ATAD2B: variants seen among roughly 807,000 people sequenced by gnomAD.
ATAD2B encodes the protein ATPase family AAA domain-containing protein 2B.
A neutral mutation model predicts 167.6 loss-of-function variants in ATAD2B; 40 were observed. That is an observed-to-expected ratio of 0.24 (90% CI 0.19 to 0.31). The LOEUF is 0.31. Among genes scored for constraint, ATAD2B ranks in the 10% least tolerant of loss-of-function variants. The probability of loss-of-function intolerance (pLI) is 1.00; values close to 1 mark genes in which losing one functional copy is unlikely to be tolerated. For synonymous variants in ATAD2B, 579 were observed against 596.5 expected (o/e 0.97, Z 0.43); for missense variants, 1,242 against 1,757.2 (o/e 0.71, Z 5.24).
intron 3 of ATAD2B, 138 bp from the exon 4 acceptor site, chr2:23,888,123 C>A: frequency 1.3e-6 from 1 of 755,568 alleles, no homozygotes; most frequent in South Asian, 2.7e-5. Context: ...AGTCAATAAT[C>A]TAAAATTTCT....
chr2:23,766,594 ATGT>A (rs896125241), intron 22 of ATAD2B, among the ~76,000 whole-genome samples: 1 of 152,176 alleles, frequency 6.6e-6, no homozygotes, highest in Admixed American at 6.5e-5. Flanking sequence ...CACTCAACAA[ATGT>A]TGTCGACTGC....
intron 1 of ATAD2B, among the ~76,000 whole-genome samples, chr2:23,906,656 C>G (rs1701542181): frequency 6.6e-6 from 1 of 151,994 alleles, no homozygotes; most frequent in African/African-American, 2.4e-5. Context: ...CAGGCAGAGA[C>G]ACAACCAAAA....
In ATAD2B at chr2:23,872,477, CCT is replaced by C. The variant is rs1252420822; in HGVS notation, c.978-2718_978-2717del. On this transcript the variant is annotated intron_variant, in intron 8 of 27. Coordinates refer to ENST00000238789, the MANE Select transcript of ATAD2B (RefSeq NM_017552.4). Reference sequence around the variant, plus strand: ...TGCACTGCAATCAGCACCCATTTCCCCTCTTTTACCAGGTGAGCTATTTCTTC... The same window carrying C: ...TGCACTGCAATCAGCACCCATTTCCCCTTTTACCAGGTGAGCTATTTCTTC... 5 of 746,330 alleles carry C rather than the reference CCT, an allele frequency of 6.7e-6. No homozygotes were observed. The African/African-American group carries it at 8.6e-5, about 13-fold the overall frequency. 46.2% of individuals were successfully genotyped at this position (746,330 alleles called of 1,614,324 possible). A position where few individuals can be genotyped will look rare whatever the true frequency, so the allele number is the denominator to read the frequency against.
intron 7 of ATAD2B, among the ~76,000 whole-genome samples, chr2:23,878,179 G>GC (rs1697318246): frequency 6.6e-6 from 1 of 151,930 alleles, no homozygotes; most frequent in African/African-American, 2.4e-5. Flanking sequence ...TGGCCAACAT[G>GC]CTGAAACCCC....
At chr2:23,697,353 G>C in the ATAD2B span, 29 of 152,252 alleles carry the variant, frequency 1.9e-4, no homozygotes, top group African/African-American at 6.5e-4. Flanking sequence ...CAGAACGGAG[G>C]CTTAGTCCTG....
chr2:23,808,124 T>TATATATAAGTAATTATATATATAATTA lies in ATAD2B; in HGVS notation c.2454+2191_2454+2192insTAATTATATATATAATTACTTATATAT, dbSNP rs1558570147. On this transcript the variant is annotated intron_variant, in intron 18 of 27. Transcript: ENST00000238789. ...ATATAAGTAATTATATATATAATTA[T>TATATATAAGTAATTATATATATAATTA]TATATATAAGTGATTACTTATATTA... 8.2e-3 allele frequency among the ~76,000 whole-genome samples: 135 copies of TATATATAAGTAATTATATATATAATTA among 16,556 alleles called. 4 individuals are homozygous for TATATATAAGTAATTATATATATAATTA. The East Asian group carries it at 0.084, about 10-fold the overall frequency. The allele number at this position is 16,556 out of a possible 152,430, so 10.9% of individuals were successfully genotyped here.
At chr2:23,880,782 G>C in intron 6 of ATAD2B, 27 bp from the exon 7 acceptor site, 1 of 1,316,944 alleles carries the variant, frequency 7.6e-7, no homozygotes, top group Non-Finnish European at 1.1e-6. Context: ...AAAAAGAAAA[G>C]AAAAAGGCAT....
intron 19 of ATAD2B, among the ~76,000 whole-genome samples, chr2:23,793,399 A>C (rs72780199): frequency 0.12 from 18,238 of 152,140 alleles, 1,168 homozygotes; most frequent in Middle Eastern, 0.22. Context: ...AATATCTCTA[A>C]TTTATTTGCT....
chr2:23,848,129 A>G (rs1344524771), intron 13 of ATAD2B, among the ~76,000 whole-genome samples: 1 of 152,200 alleles, frequency 6.6e-6, no homozygotes, highest in Non-Finnish European at 1.5e-5. Context: ...AAGGATAGAG[A>G]GCACCAGAAA....
intron 19 of ATAD2B, among the ~76,000 whole-genome samples, chr2:23,794,417 C>T (rs1472911130): frequency 2.0e-5 from 3 of 152,162 alleles, no homozygotes; most frequent in Non-Finnish European, 4.4e-5. Context: ...TGTTGTTTGA[C>T]TGAAGTATAT....
chr2:23,783,955 TTA>T (rs954641691), intron 21 of ATAD2B, among the ~76,000 whole-genome samples: 14 of 152,046 alleles, frequency 9.2e-5, no homozygotes, highest in African/African-American at 3.4e-4. Context: ...TATATGTAAT[TTA>T]TATGTTTTTT....
intron 19 of ATAD2B, among the ~76,000 whole-genome samples, chr2:23,794,713 T>C (rs948891461): frequency 4.6e-5 from 7 of 152,064 alleles, no homozygotes; most frequent in Admixed American, 3.9e-4. Flanking sequence ...CTATTAAATA[T>C]ACTGTTTTGC....
At chr2:23,803,991 C>T (rs1334366332) in intron 18 of ATAD2B, among the ~76,000 whole-genome samples, 1 of 152,120 alleles carries the variant, frequency 6.6e-6, no homozygotes, top group Non-Finnish European at 1.5e-5. Flanking sequence ...TAGAGAGATA[C>T]CTCTGAGTAT....
chr2:23,877,520 GGGAAGGGGAGGGGAGGGGAA>G (rs1426469870), intron 7 of ATAD2B, among the ~76,000 whole-genome samples: 4 of 93,112 alleles, frequency 4.3e-5, no homozygotes, highest in African/African-American at 8.3e-5. Flanking sequence ...GGGAAGGGGA[GGGAAGGGGAGGGGAGGGGAA>G]GGGAGGGGAG....
chr2:23,796,206 C>T (rs377624877), intron 19 of ATAD2B, among the ~76,000 whole-genome samples: 4 of 152,104 alleles, frequency 2.6e-5, no homozygotes, highest in African/African-American at 4.8e-5. Flanking sequence ...ACGATATCCA[C>T]GATAGCTTTA....
chr2:23,849,821 C>T (rs555090965), intron 13 of ATAD2B, among the ~76,000 whole-genome samples: 204 of 151,994 alleles, frequency 1.3e-3, no homozygotes, highest in Non-Finnish European at 2.4e-3. Context: ...AGTGAGACTC[C>T]GTCTCAAAAA....
chr2:23,682,975 C>T, the ATAD2B span, among the ~76,000 whole-genome samples: 5 of 152,352 alleles, frequency 3.3e-5, no homozygotes, highest in East Asian at 5.8e-4. The surrounding 1 kb of genome is among the most constrained non-coding windows in gnomAD (Gnocchi z 4.1). Flanking sequence ...GCCCCTCCCA[C>T]CGTCTTCCTT....
intron 13 of ATAD2B, among the ~76,000 whole-genome samples, chr2:23,841,031 T>A (rs1467897727): frequency 6.6e-6 from 1 of 151,788 alleles, no homozygotes; most frequent in Non-Finnish European, 1.5e-5. Context: ...TTCAGCCTCC[T>A]GAGTAGGCAG....
At position 23,869,722 on chromosome 2, in the gene ATAD2B, A is replaced by C; in HGVS notation, c.1017T>G (p.Ser339=). ...KHAIHSSDTT[S]SDEERFERRK... is the part of the protein sequence containing the mutation. ...TTCTTTCAAAGCGTTCCTCATCAGA[A>C]GAAGTTGTGTCACTACTATGAATGG... The change falls in exon 9 of 28, where the codon TCT becomes TCG. Residue 339 remains serine (S), a synonymous_variant. Transcript: ENST00000238789. 1 of 1,568,724 alleles carries C rather than the reference A, an allele frequency of 6.4e-7. No homozygotes were observed. Among genetic ancestry groups the C allele is most frequent in the Non-Finnish European group, 8.7e-7 (1 of 1,154,782 alleles).
Sources: gnomAD v4.1 joint callset for allele counts (sites outside exome capture counted in the v4.1 genomes callset) on GRCh38, gnomAD v4.1.1 for gene constraint, Gnocchi (gnomAD v3.1) non-coding constraint, MANE v1.5 for transcripts, NCBI Gene and HGNC (gene_info 2026-07-23, HGNC 2026-07-21) for gene names.